The following SLC6A2 variants were observed in gnomAD, a reference collection of about 807,000 sequenced individuals.
SLC6A2 encodes sodium-dependent noradrenaline transporter.
A neutral mutation model predicts 71.7 loss-of-function variants in SLC6A2; 26 were observed. The observed-to-expected ratio is 0.36, with a 90% CI of 0.27 to 0.50. The LOEUF is 0.50. Ranked by LOEUF, SLC6A2 falls within the 20% of genes least tolerant of loss-of-function variation. The probability of loss-of-function intolerance (pLI) is 0.96; values close to 1 mark genes in which losing one functional copy is unlikely to be tolerated. For missense variants in SLC6A2, 581 were observed against 803.9 expected (o/e 0.72, Z 3.35); for synonymous variants, 363 against 337.9 (o/e 1.07, Z -0.82).
chr16:55,688,403 T>G (rs142674618), intron 5 of SLC6A2, among the ~76,000 whole-genome samples: 2 of 152,238 alleles, frequency 1.3e-5, no homozygotes, highest in African/African-American at 2.4e-5. Flanking sequence ...TGTAGCTTGG[T>G]GTTTTCTTCA....
In SLC6A2 at chr16:55,670,827, T is replaced by C. The variant is rs536217215; in HGVS notation, c.407-1111T>C. ...TGGCTGTCAGGAAGCAGTGCTCTGA[T>C]TGGCCAGGCATACATCTTGCGATGG... On this transcript the variant is annotated intron_variant, in intron 3 of 14. Transcript: ENST00000568943. Among the ~76,000 whole-genome samples the C allele has an allele frequency of 2.0e-5, 3 of 152,330 alleles. No homozygotes were observed. The South Asian group carries it at 6.2e-4, about 32-fold the overall frequency.
intron 2 of SLC6A2, among the ~76,000 whole-genome samples, chr16:55,660,413 CCTT>C (rs1338639913): frequency 3.3e-5 from 5 of 152,180 alleles, no homozygotes; most frequent in Admixed American, 3.3e-4. Context: ...TGAGGTAACT[CCTT>C]CTCTCACTTA....
rs935061306 is a variant in SLC6A2 at position 55,703,267 on chromosome 16, C to T, written c.*921C>T. 2.0e-6 allele frequency: 2 copies of T among 985,234 alleles called. No individual in the cohort carries two copies. Among genetic ancestry groups the T allele is most frequent in the Non-Finnish European group, 1.2e-6 (1 of 829,958 alleles). The allele number at this position is 985,234 out of a possible 1,614,324, so 61.0% of individuals were successfully genotyped here. A position where few individuals can be genotyped will look rare whatever the true frequency, so the allele number is the denominator to read the frequency against. ...AGTGAGGCCTCATGTGTGTCTTCAC[C>T]GTGCTGTCCTCACAAGGCCAGGTGG... On this transcript the variant is annotated 3_prime_UTR_variant, in exon 15 of 15. Transcript: ENST00000568943.
chr16:55,667,945 C>G (rs1964799380), intron 2 of SLC6A2, among the ~76,000 whole-genome samples: 1 of 152,188 alleles, frequency 6.6e-6, no homozygotes, highest in Admixed American at 6.5e-5. Context: ...ATTTCTCCAA[C>G]CCTCAGTTTC....
At chr16:55,662,656 A>G (rs1964640933) in intron 2 of SLC6A2, among the ~76,000 whole-genome samples, 1 of 152,236 alleles carries the variant, frequency 6.6e-6, no homozygotes, top group South Asian at 2.1e-4. Flanking sequence ...CCACAGCTTT[A>G]TTAGGAAAAA....
chr16:55,692,022 C>G lies in SLC6A2; in HGVS notation c.888C>G (p.His296Gln), dbSNP rs1457234484. 1.2e-6 allele frequency: 2 copies of G among 1,614,110 alleles called. No individual in the cohort carries two copies. Among genetic ancestry groups the G allele is most frequent in the African/African-American group, 1.3e-5 (1 of 74,940 alleles). The change falls in exon 6 of 15, where the codon CAC becomes CAG. Residue 296 changes from histidine to glutamine, a missense_variant. By Grantham distance (24) the His-to-Gln change is conservative (BLOSUM62 0). Around this residue, in one of 5 missense-constraint regions of SLC6A2, gnomAD observed 334 missense variants for 449.0 expected, o/e 0.74. Coordinates refer to ENST00000568943, the MANE Select transcript of SLC6A2 (RefSeq NM_001172501.3). ...GASNGINAYL[H>Q]IDFYRLKEAT... ...CCAATGGCATCAATGCCTACCTGCA[C>G]ATCGACTTCTACCGCTTGAAAGAGG...
chr16:55,666,174 G>C (rs1381592575), intron 2 of SLC6A2, among the ~76,000 whole-genome samples: 1 of 152,188 alleles, frequency 6.6e-6, no homozygotes, highest in African/African-American at 2.4e-5. Flanking sequence ...TAAGATTCTG[G>C]CCTTGCAGTT....
intron 2 of SLC6A2, among the ~76,000 whole-genome samples, chr16:55,664,605 T>A (rs1964697633): frequency 6.6e-6 from 1 of 152,194 alleles, no homozygotes; most frequent in Admixed American, 6.5e-5. Flanking sequence ...ATGGGTCCCA[T>A]TTACGGAGCA....
chr16:55,697,066 A>C (rs1055758860), intron 9 of SLC6A2, among the ~76,000 whole-genome samples: 3 of 152,330 alleles, frequency 2.0e-5, no homozygotes, highest in East Asian at 1.9e-4. Flanking sequence ...ATCCAAATGT[A>C]AGATTGGATT....
chr16:55,664,876 A>G (rs904486502), intron 2 of SLC6A2, among the ~76,000 whole-genome samples: 3 of 151,868 alleles, frequency 2.0e-5, no homozygotes, highest in Non-Finnish European at 4.4e-5. Context: ...GTGCCTGCCC[A>G]CCCAGCACAC....
chr16:55,702,858 C>G lies in SLC6A2; in HGVS notation c.*512C>G. ...CTCCTCTTGCCCACCCTAGACAGCCCTCTCATGTCTGAACCTCAGCCTGGG... is the reference window on the plus strand; with the variant it reads ...CTCCTCTTGCCCACCCTAGACAGCCGTCTCATGTCTGAACCTCAGCCTGGG... On this transcript the variant is annotated 3_prime_UTR_variant, in exon 15 of 15. Coordinates refer to ENST00000568943, the MANE Select transcript of SLC6A2 (RefSeq NM_001172501.3). The G allele has an allele frequency of 1.0e-6, 1 of 995,548 alleles. No homozygotes were observed. The highest frequency in any genetic ancestry group is 1.2e-6 in the Non-Finnish European group (1 of 835,786). The allele number at this position is 995,548 out of a possible 1,614,324, so 61.7% of individuals were successfully genotyped here.
intron 7 of SLC6A2, 39 bp from the exon 8 acceptor site, chr16:55,695,239 G>A: frequency 1.2e-6 from 2 of 1,612,888 alleles, no homozygotes; most frequent in South Asian, 1.1e-5. Flanking sequence ...AGGGTTGAGG[G>A]TGTCAAGGGA....
At position 55,685,155 on chromosome 16, in the gene SLC6A2, G is replaced by A. The variant is rs1311922412; in HGVS notation, c.657G>A (p.Leu219=). 3 of 1,614,168 alleles carry A rather than the reference G, an allele frequency of 1.9e-6. No individual in the cohort carries two copies. The South Asian group carries it at 3.3e-5, about 18-fold the overall frequency. ...PAAEFYERGV[L]HLHESSGIHD... The stretch of plus-strand genomic sequence containing the variant: ...CTCCTCTGGGCAGGCGTGGTGTCCT[G>A]CACCTTCACGAGAGCAGCGGGATTC... Residue 219 remains leucine, a synonymous_variant, in exon 5 of 15, where the codon CTG becomes CTA. Transcript: ENST00000568943.
At chr16:55,692,104 CAGG>C (rs781574280) in intron 6 of SLC6A2, 52 bp downstream of exon 6, 2 of 1,605,268 alleles carry the variant, frequency 1.2e-6, no homozygotes, top group Non-Finnish European at 1.7e-6. Context: ...GGAGGGTTTT[CAGG>C]AGAAGGTGAT....
chr16:55,689,860 T>C (rs750358287), intron 5 of SLC6A2, among the ~76,000 whole-genome samples: 2 of 152,116 alleles, frequency 1.3e-5, no homozygotes, highest in Admixed American at 1.3e-4. Flanking sequence ...AACAAGGGAG[T>C]GATGGAGAAA....
chr16:55,692,861 G>A (rs566112450), intron 6 of SLC6A2, among the ~76,000 whole-genome samples: 2 of 152,146 alleles, frequency 1.3e-5, no homozygotes, highest in African/African-American at 4.8e-5. Flanking sequence ...GTTATAGACC[G>A]GTAACCAAGA....
intron 4 of SLC6A2, among the ~76,000 whole-genome samples, chr16:55,677,776 C>T (rs1965140634): frequency 6.6e-6 from 1 of 152,160 alleles, no homozygotes; most frequent in Admixed American, 6.5e-5. Context: ...CCTCCCACCT[C>T]AGCATCCCAA....
At chr16:55,692,696 C>T (rs1329168464) in intron 6 of SLC6A2, among the ~76,000 whole-genome samples, 1 of 152,188 alleles carries the variant, frequency 6.6e-6, no homozygotes, top group Admixed American at 6.5e-5. Context: ...TTGCAGGGCC[C>T]CTCAGTGAGA....
At chr16:55,657,499 C>A (rs1486334583) in intron 2 of SLC6A2, among the ~76,000 whole-genome samples, 1 of 152,152 alleles carries the variant, frequency 6.6e-6, no homozygotes, top group East Asian at 1.9e-4. Flanking sequence ...TCTGAAGGCA[C>A]CTGGGGAGGC....
Sources: gnomAD v4.1 joint callset for allele counts (sites outside exome capture counted in the v4.1 genomes callset) on GRCh38, gnomAD v4.1.1 for gene constraint, gnomAD v4.1.1 regional missense constraint, MANE v1.5 for transcripts, NCBI Gene and HGNC (gene_info 2026-07-23, HGNC 2026-07-21) for gene names.